NUMB: variants seen among roughly 807,000 people sequenced by gnomAD.
NUMB encodes the protein NUMB endocytic adaptor protein.
Under a neutral mutation model 59.7 loss-of-function variants are expected in NUMB, and 29 were observed. The observed-to-expected ratio is 0.49, with a 90% CI of 0.36 to 0.66. The LOEUF is 0.66. NUMB is among the 30% of genes least tolerant of loss of function. The pLI is 0.00. For synonymous variants in NUMB, 288 were observed against 288.2 expected (o/e 1.00, Z 0.01); for missense variants, 723 against 822.0 (o/e 0.88, Z 1.47).
At chr14:73,453,006 ACACTTCCTGTAGAT>A (rs1364124660) in intron 1 of NUMB, among the ~76,000 whole-genome samples, 20 of 152,184 alleles carry the variant, frequency 1.3e-4, no homozygotes, top group African/African-American at 4.3e-4. Context: ...TCCTCTAGAT[ACACTTCCTGTAGAT>A]CCTCCAGACT....
At chr14:73,368,943 T>C (rs1894524483) in intron 2 of NUMB, among the ~76,000 whole-genome samples, 1 of 152,174 alleles carries the variant, frequency 6.6e-6, no homozygotes, top group Non-Finnish European at 1.5e-5. Context: ...AACTAAAAAG[T>C]TTTCCTTCTG....
At chr14:73,347,208 C>T (rs560084388) in intron 4 of NUMB, among the ~76,000 whole-genome samples, 8 of 152,128 alleles carry the variant, frequency 5.3e-5, no homozygotes, top group Non-Finnish European at 1.2e-4. Context: ...CCACCCCACA[C>T]TCACATGTTC....
chr14:73,278,995 A>G (rs1307263510), intron 12 of NUMB, among the ~76,000 whole-genome samples: 2 of 152,126 alleles, frequency 1.3e-5, no homozygotes, highest in South Asian at 2.1e-4. Flanking sequence ...AAGTGCTGGG[A>G]TTACAGGCAT....
chr14:73,433,290 T>C (rs1380813802), intron 1 of NUMB, among the ~76,000 whole-genome samples: 1 of 151,380 alleles, frequency 6.6e-6, no homozygotes, highest in Non-Finnish European at 1.5e-5. Context: ...GGCATGGTGG[T>C]GCATGCCTGT....
At chr14:73,294,818 C>A (rs1889647183) in intron 7 of NUMB, among the ~76,000 whole-genome samples, 2 of 4,654 alleles carry the variant, frequency 4.3e-4, no homozygotes, top group South Asian at 0.017. Context: ...CACGCCCAGC[C>A]TCTCTTTTTA....
intron 10 of NUMB, 44 bp downstream of exon 10, chr14:73,284,037 T>A (rs774345593): frequency 1.3e-6 from 2 of 1,563,488 alleles, no homozygotes; most frequent in South Asian, 2.3e-5. Flanking sequence ...ATGAGAATGC[T>A]TCAGTGCTCG....
chr14:73,454,874 C>A (rs936507806), intron 1 of NUMB, among the ~76,000 whole-genome samples: 2 of 152,150 alleles, frequency 1.3e-5, no homozygotes, highest in African/African-American at 4.8e-5. Context: ...ATTTCTCATT[C>A]TTCCATCATT....
intron 2 of NUMB, among the ~76,000 whole-genome samples, chr14:73,386,086 G>A (rs1291857619): frequency 6.6e-6 from 1 of 151,866 alleles, no homozygotes; most frequent in Non-Finnish European, 1.5e-5. Flanking sequence ...GATTTAAGAA[G>A]AACTGTTATT....
chr14:73,416,355 T>A (rs1385596243), intron 1 of NUMB, among the ~76,000 whole-genome samples: 2 of 148,260 alleles, frequency 1.3e-5, no homozygotes, highest in Non-Finnish European at 3.0e-5. Context: ...TTTACTAGAA[T>A]CACTATGCCA....
chr14:73,389,283 A>C (rs1344000646), intron 2 of NUMB, among the ~76,000 whole-genome samples: 10 of 93,958 alleles, frequency 1.1e-4, no homozygotes, highest in African/African-American at 5.8e-4. Context: ...AAAAAAAAAA[A>C]AAAAAAAAAA....
At chr14:73,402,100 A>G (rs1255026518) in intron 2 of NUMB, among the ~76,000 whole-genome samples, 1 of 152,106 alleles carries the variant, frequency 6.6e-6, no homozygotes, top group Non-Finnish European at 1.5e-5. Flanking sequence ...TCCTGAGCTC[A>G]AGTGATTCCT....
At chr14:73,348,080 T>C (rs1893007762) in intron 4 of NUMB, among the ~76,000 whole-genome samples, 1 of 152,176 alleles carries the variant, frequency 6.6e-6, no homozygotes. Context: ...ACCCTACCAG[T>C]TGCCACCATG....
In NUMB at chr14:73,329,941, G is replaced by A. The variant is rs563094389; in HGVS notation, c.127-6737C>T. On this transcript the variant is annotated intron_variant, in intron 4 of 12. Coordinates refer to ENST00000555238, the MANE Select transcript of NUMB (RefSeq NM_001005743.2). ...TTTGGTGGCCTTCAGAGCTTAGCTT[G>A]TTGAAAACTGCACCTCCTGTACCTC... is the stretch of plus-strand genomic sequence containing the variant. 5.1e-4 allele frequency among the ~76,000 whole-genome samples: 78 copies of A among 152,298 alleles called. 1 individual carries two copies. In the South Asian group the frequency reaches 5.8e-3, roughly 11 times the overall value.
At chr14:73,288,189 A>C (rs1889140236) in intron 8 of NUMB, among the ~76,000 whole-genome samples, 1 of 151,024 alleles carries the variant, frequency 6.6e-6, no homozygotes, top group South Asian at 2.1e-4. Context: ...TGAGATGGGC[A>C]AATTGCTTGA....
chr14:73,278,872 C>T (rs529972024), intron 12 of NUMB, among the ~76,000 whole-genome samples: 52 of 151,918 alleles, frequency 3.4e-4, no homozygotes, highest in Admixed American at 2.5e-3. Context: ...GGACTATATG[C>T]GCATGCCACC....
At chr14:73,282,276 G>A in intron 11 of NUMB, 83 bp downstream of exon 11, 1 of 1,428,014 alleles carries the variant, frequency 7.0e-7, no homozygotes, top group African/African-American at 1.4e-5. Flanking sequence ...GGGAAGCTCA[G>A]GATGCCAACT....
At chr14:73,452,044 C>G (rs1884016528) in intron 1 of NUMB, among the ~76,000 whole-genome samples, 1 of 151,826 alleles carries the variant, frequency 6.6e-6, no homozygotes, top group African/African-American at 2.4e-5. Context: ...AGGAGTTTAA[C>G]AAGACCCTGT....
intron 4 of NUMB, among the ~76,000 whole-genome samples, chr14:73,347,171 G>A (rs1036930653): frequency 1.3e-5 from 2 of 151,986 alleles, no homozygotes; most frequent in Non-Finnish European, 2.9e-5. Flanking sequence ...TATGTAAATT[G>A]TCTCTAATAA....
chr14:73,277,919 G>C (rs35663675), intron 12 of NUMB, among the ~76,000 whole-genome samples: 1 of 151,586 alleles, frequency 6.6e-6, no homozygotes, highest in Non-Finnish European at 1.5e-5. Flanking sequence ...TTAGCTGGGC[G>C]TGGTGGTATG....
Sources: allele counts gnomAD v4.1 joint callset (sites outside exome capture counted in the v4.1 genomes callset), GRCh38; gene constraint gnomAD v4.1.1; transcripts MANE v1.5; gene names NCBI Gene and HGNC (gene_info 2026-07-23, HGNC 2026-07-21).